CAMK1D: variants seen among roughly 807,000 people sequenced by gnomAD.
CAMK1D encodes the protein calcium/calmodulin-dependent protein kinase type 1D.
Under a neutral mutation model 47.7 loss-of-function variants are expected in CAMK1D, and 9 were observed. The observed-to-expected ratio is 0.19, with a 90% CI of 0.11 to 0.33. The LOEUF (loss-of-function observed/expected upper bound fraction) is 0.33. Ranked by LOEUF, CAMK1D falls within the 10% of genes least tolerant of loss-of-function variation. CAMK1D has a pLI of 1.00. For missense variants in CAMK1D, 291 were observed against 488.7 expected, an observed-to-expected ratio of 0.60 and a Z score of 3.81; for synonymous variants, 184 against 184.9, an observed-to-expected ratio of 0.99 and a Z score of 0.04.
At chr10:12,827,088 G>T (rs2482021) in intron 10 of CAMK1D, among the ~76,000 whole-genome samples, 109,230 of 152,136 alleles carry the variant, frequency 0.72, 39,246 homozygotes, top group South Asian at 0.8. Context: ...CACAGGAATA[G>T]GTGAACATCT....
chr10:12,727,560 C>G (rs1232991370), intron 3 of CAMK1D, among the ~76,000 whole-genome samples: 1 of 152,212 alleles, frequency 6.6e-6, no homozygotes. Flanking sequence ...CAACAGACAA[C>G]AGTGTCTTCT....
chr10:12,462,172 T>G (rs1833451235), intron 1 of CAMK1D, among the ~76,000 whole-genome samples: 1 of 147,596 alleles, frequency 6.8e-6, no homozygotes, highest in Admixed American at 6.7e-5. Context: ...TTTTTTTTTT[T>G]TTTTTTTTTT....
chr10:12,784,028 A>C (rs920565988), intron 5 of CAMK1D, among the ~76,000 whole-genome samples: 12 of 152,136 alleles, frequency 7.9e-5, no homozygotes, highest in Admixed American at 5.9e-4. Flanking sequence ...TTACTGGTGT[A>C]AACTTGATAA....
At chr10:12,623,615 A>G (rs1839114848) in intron 2 of CAMK1D, among the ~76,000 whole-genome samples, 3 of 151,550 alleles carry the variant, frequency 2.0e-5, no homozygotes, top group Admixed American at 2.0e-4. Context: ...GAACAAACTT[A>G]GGGAAACCGC....
chr10:12,604,949 G>T lies in CAMK1D; in HGVS notation c.224+51593G>T, dbSNP rs187585383. Among the ~76,000 whole-genome samples, 17 of 151,172 alleles carry T rather than the reference G, an allele frequency of 1.1e-4. No homozygotes were observed. In the East Asian group the frequency reaches 3.1e-3, roughly 28 times the overall value. ...GTCGCCCAGGCTGGAGTGCAATGGC[G>T]CAATCTCAACTCACTGCAACCTCTG... On this transcript the variant is annotated intron_variant, in intron 2 of 10. Transcript: ENST00000619168.
intron 1 of CAMK1D, among the ~76,000 whole-genome samples, chr10:12,527,509 C>G (rs934035348): frequency 6.6e-6 from 1 of 151,996 alleles, no homozygotes; most frequent in African/African-American, 2.4e-5. Flanking sequence ...CATGCGCCAC[C>G]ACGCCCGGCT....
At chr10:12,408,400 C>T (rs1839525931) in intron 1 of CAMK1D, among the ~76,000 whole-genome samples, 1 of 148,754 alleles carries the variant, frequency 6.7e-6, no homozygotes, top group Admixed American at 6.7e-5. Context: ...GTCTCGATCT[C>T]CTGACCTCGT....
intron 5 of CAMK1D, among the ~76,000 whole-genome samples, chr10:12,786,700 G>A (rs2130984109): frequency 6.6e-6 from 1 of 152,316 alleles, no homozygotes; most frequent in Admixed American, 6.5e-5. Context: ...TGGATTATAG[G>A]CATGAGCCAC....
chr10:12,451,973 C>T (rs1181090173), intron 1 of CAMK1D, among the ~76,000 whole-genome samples: 3 of 152,064 alleles, frequency 2.0e-5, no homozygotes, highest in Non-Finnish European at 4.4e-5. Context: ...TGCTGGGGGC[C>T]GCCTCCTTTT....
At chr10:12,698,726 G>A (rs1416862553) in intron 3 of CAMK1D, among the ~76,000 whole-genome samples, 2 of 133,402 alleles carry the variant, frequency 1.5e-5, no homozygotes, top group Non-Finnish European at 3.1e-5. Flanking sequence ...AGGCTGGAGT[G>A]CAGTGGTGTG....
intron 1 of CAMK1D, among the ~76,000 whole-genome samples, chr10:12,531,452 A>G (rs965208946): frequency 6.6e-6 from 1 of 152,204 alleles, no homozygotes; most frequent in African/African-American, 2.4e-5. Context: ...TGTGTGCATC[A>G]TATTTGCTTA....
chr10:12,366,881 T>C (rs1837851692), intron 1 of CAMK1D, among the ~76,000 whole-genome samples: 2 of 152,094 alleles, frequency 1.3e-5, no homozygotes, highest in Admixed American at 1.3e-4. Flanking sequence ...GGCGGCTTTA[T>C]CCCCTATAAG....
chr10:12,722,826 G>A (rs1834453595), intron 3 of CAMK1D, among the ~76,000 whole-genome samples: 1 of 152,200 alleles, frequency 6.6e-6, no homozygotes, highest in African/African-American at 2.4e-5. Context: ...GATCTATTGG[G>A]AACTACTTGG....
intron 1 of CAMK1D, among the ~76,000 whole-genome samples, chr10:12,489,373 G>A (rs1434517015): frequency 6.6e-6 from 1 of 152,206 alleles, no homozygotes; most frequent in Non-Finnish European, 1.5e-5. Flanking sequence ...AGCCAGGCAG[G>A]AGAGGAGGCT....
intron 3 of CAMK1D, among the ~76,000 whole-genome samples, chr10:12,749,301 G>A (rs1229912897): frequency 1.3e-5 from 2 of 151,998 alleles, no homozygotes; most frequent in South Asian, 2.1e-4. Context: ...TAAGGCTAGT[G>A]CATACTATTA....
intron 2 of CAMK1D, among the ~76,000 whole-genome samples, chr10:12,617,535 G>T (rs2070918383): frequency 6.6e-6 from 1 of 152,174 alleles, no homozygotes; most frequent in Non-Finnish European, 1.5e-5. Context: ...ACCCCAGGGC[G>T]AGGCAGTTTG....
chr10:12,808,167 A>G (rs1453612843), intron 6 of CAMK1D, among the ~76,000 whole-genome samples: 1 of 152,216 alleles, frequency 6.6e-6, no homozygotes, highest in East Asian at 1.9e-4. Context: ...GATAGGGCAT[A>G]GGCATCCACT....
At chr10:12,630,658 A>G (rs769802925) in intron 2 of CAMK1D, among the ~76,000 whole-genome samples, 3 of 151,934 alleles carry the variant, frequency 2.0e-5, no homozygotes, top group Non-Finnish European at 4.4e-5. Context: ...GCCTCAAGTG[A>G]TCCTCCCACC....
In CAMK1D at chr10:12,694,212, A is replaced by T. The variant is rs368467883; in HGVS notation, c.299+27402A>T. 8.3e-3 allele frequency among the ~76,000 whole-genome samples: 279 copies of T among 33,420 alleles called. 81 individuals carry two copies. The highest frequency in any genetic ancestry group is 0.027 in the African/African-American group (220 of 8,238). The allele number at this position is 33,420 out of a possible 152,430, so 21.9% of individuals were successfully genotyped here. On this transcript the variant is annotated intron_variant, in intron 3 of 10. Transcript: ENST00000619168. ...ATAATATATATTATATATTATGTAT[A>T]ATATAAAATATATATTATGTATAAT...
Sources: allele counts gnomAD v4.1 joint callset (sites outside exome capture counted in the v4.1 genomes callset), GRCh38; gene constraint gnomAD v4.1.1; transcripts MANE v1.5; gene names NCBI Gene and HGNC (gene_info 2026-07-23, HGNC 2026-07-21).